The following NRG1 variants were observed in gnomAD, a reference collection of about 807,000 sequenced individuals.
NRG1 encodes pro-neuregulin-1, membrane-bound isoform.
In NRG1, 18 loss-of-function variants were observed where a neutral mutation model predicts 63.8. The ratio of observed to expected loss-of-function variants is 0.28; its 90% confidence interval spans 0.19 to 0.42. The LOEUF is 0.42. Ranked by LOEUF, NRG1 falls within the 10% of genes least tolerant of loss-of-function variation. NRG1 has a pLI of 1.00. For synonymous variants in NRG1, 302 were observed against 301.3 expected (o/e 1.00, Z -0.02); for missense variants, 762 against 814.7 (o/e 0.94, Z 0.79).
intron 1 of NRG1, among the ~76,000 whole-genome samples, chr8:31,674,938 C>A (rs1046972495): frequency 2.0e-5 from 3 of 152,172 alleles, no homozygotes; most frequent in African/African-American, 7.2e-5. Context: ...CCCTTGGATG[C>A]AGGACCCTTC....
chr8:32,603,300 C>T (rs553359824), intron 2 of NRG1, among the ~76,000 whole-genome samples: 7 of 152,162 alleles, frequency 4.6e-5, no homozygotes, highest in African/African-American at 9.6e-5. Flanking sequence ...TATCCCTTTT[C>T]GGGGAGTCAG....
chr8:31,770,794 T>TATATATATAC (rs1554526900), intron 1 of NRG1, among the ~76,000 whole-genome samples: 1 of 129,096 alleles, frequency 7.7e-6, no homozygotes, highest in African/African-American at 2.7e-5. Context: ...TATATATATA[T>TATATATATAC]ATACATATAT....
At chr8:32,281,665 C>T (rs915590480) in intron 1 of NRG1, among the ~76,000 whole-genome samples, 1 of 152,052 alleles carries the variant, frequency 6.6e-6, no homozygotes, top group African/African-American at 2.4e-5. Flanking sequence ...CCTCCAGCTG[C>T]ATCTATGTTG....
In NRG1 at chr8:32,422,288, C is replaced by T. The variant is rs76803959; in HGVS notation, c.38-173540C>T. On this transcript the variant is annotated intron_variant, in intron 1 of 10. Coordinates refer to the NRG1 transcript ENST00000519301. Reference sequence around the variant, plus strand: ...CACATATGTATATGATCATATTAAACATATTAGTTTATAACTTGTTCTTTG... The same window carrying T: ...CACATATGTATATGATCATATTAAATATATTAGTTTATAACTTGTTCTTTG... 5.1e-3 allele frequency among the ~76,000 whole-genome samples: 771 copies of T among 152,156 alleles called. 5 individuals are homozygous for T. Among genetic ancestry groups the T allele is most frequent in the Non-Finnish European group, 6.7e-3 (458 of 67,984 alleles).
At chr8:32,363,441 G>C (rs1436750466) in intron 1 of NRG1, among the ~76,000 whole-genome samples, 1 of 152,064 alleles carries the variant, frequency 6.6e-6, no homozygotes, top group Non-Finnish European at 1.5e-5. Flanking sequence ...TTGGTATACG[G>C]GTATTAAAAT....
chr8:31,792,376 C>T (rs1160593824), intron 1 of NRG1, among the ~76,000 whole-genome samples: 1 of 152,128 alleles, frequency 6.6e-6, no homozygotes, highest in Admixed American at 6.5e-5. Context: ...GCCCAGTACA[C>T]AGGAGGGTTG....
At chr8:31,876,760 T>A (rs770274519) in intron 1 of NRG1, among the ~76,000 whole-genome samples, 1 of 152,184 alleles carries the variant, frequency 6.6e-6, no homozygotes, top group African/African-American at 2.4e-5. Context: ...CTCACTCTCT[T>A]AAAGAAGGGT....
At chr8:32,204,331 T>C (rs1461719266) in intron 1 of NRG1, among the ~76,000 whole-genome samples, 3 of 152,228 alleles carry the variant, frequency 2.0e-5, no homozygotes, top group Non-Finnish European at 4.4e-5. Context: ...ATGGCTCTTA[T>C]TGTATCATTA....
At chr8:32,418,874 G>A (rs1816305185) in intron 1 of NRG1, among the ~76,000 whole-genome samples, 3 of 152,132 alleles carry the variant, frequency 2.0e-5, no homozygotes, top group Admixed American at 1.3e-4. Context: ...AATTTCATGA[G>A]CTTCATCCAG....
intron 1 of NRG1, among the ~76,000 whole-genome samples, chr8:32,299,790 C>T (rs555374540): frequency 1.3e-5 from 2 of 152,254 alleles, no homozygotes; most frequent in Admixed American, 6.5e-5. Flanking sequence ...TACTTATTCA[C>T]TATCACGAGA....
intron 1 of NRG1, among the ~76,000 whole-genome samples, chr8:31,767,918 A>T (rs1260629159): frequency 6.6e-6 from 1 of 152,002 alleles, no homozygotes; most frequent in Non-Finnish European, 1.5e-5. Context: ...AAATTATCAC[A>T]TTTATAAAAG....
At chr8:32,715,922 G>C (rs978250844) in intron 5 of NRG1, among the ~76,000 whole-genome samples, 1 of 152,176 alleles carries the variant, frequency 6.6e-6, no homozygotes, top group Non-Finnish European at 1.5e-5. Context: ...GATTACAGGC[G>C]TGAGCCATCG....
At chr8:32,438,777 A>G (rs539668723) in intron 1 of NRG1, among the ~76,000 whole-genome samples, 19 of 152,104 alleles carry the variant, frequency 1.2e-4, no homozygotes, top group Non-Finnish European at 2.1e-4. Context: ...GCATTTCTTT[A>G]GTGGCTAATG....
chr8:32,525,071 G>T (rs1830692756), intron 1 of NRG1, among the ~76,000 whole-genome samples: 2 of 152,202 alleles, frequency 1.3e-5, no homozygotes, highest in Admixed American at 1.3e-4. Context: ...AATACTCAAA[G>T]CTTCTTCTAG....
chr8:32,103,098 T>A (rs1585308481), intron 1 of NRG1, among the ~76,000 whole-genome samples: 1 of 152,340 alleles, frequency 6.6e-6, no homozygotes, highest in South Asian at 2.1e-4. Flanking sequence ...TTATTTTGGC[T>A]ATAGTCACAC....
chr8:32,383,694 G>A (rs924354709), intron 1 of NRG1, among the ~76,000 whole-genome samples: 3 of 152,122 alleles, frequency 2.0e-5, no homozygotes, highest in Admixed American at 6.5e-5. Flanking sequence ...GCCACCTTAC[G>A]TTTCACTCAG....
chr8:32,219,706 G>T (rs1845611794), intron 1 of NRG1, among the ~76,000 whole-genome samples: 1 of 152,180 alleles, frequency 6.6e-6, no homozygotes, highest in African/African-American at 2.4e-5. Flanking sequence ...TCTGCTGCTT[G>T]GTTACTGTAG....
At chr8:31,916,373 G>C (rs991571561) in intron 1 of NRG1, among the ~76,000 whole-genome samples, 2 of 151,976 alleles carry the variant, frequency 1.3e-5, no homozygotes, top group African/African-American at 4.8e-5. Flanking sequence ...CCCCACAACA[G>C]TCCCCAGAGT....
chr8:32,480,214 G>A (rs1470548266), intron 1 of NRG1, among the ~76,000 whole-genome samples: 2 of 151,944 alleles, frequency 1.3e-5, no homozygotes, highest in African/African-American at 4.8e-5. Flanking sequence ...GAAGCAATTT[G>A]TAATGATCTC....
Sources: gnomAD v4.1 joint callset for allele counts (sites outside exome capture counted in the v4.1 genomes callset) on GRCh38, gnomAD v4.1.1 for gene constraint, MANE v1.5 for transcripts, NCBI Gene and HGNC (gene_info 2026-07-23, HGNC 2026-07-21) for gene names.